NOS1AP: variants seen among roughly 807,000 people sequenced by gnomAD.
NOS1AP encodes the protein carboxyl-terminal PDZ ligand of neuronal nitric oxide synthase protein.
In NOS1AP, 21 loss-of-function variants were observed where a neutral mutation model predicts 56.2. The observed-to-expected ratio is 0.37, with a 90% CI of 0.26 to 0.54. The LOEUF (loss-of-function observed/expected upper bound fraction) is 0.54. Among genes scored for constraint, NOS1AP ranks in the 20% least tolerant of loss-of-function variants. The pLI is 0.84. For missense variants in NOS1AP, 522 were observed against 657.8 expected (o/e 0.79, Z 2.26); for synonymous variants, 270 against 274.6 (o/e 0.98, Z 0.17).
intron 5 of NOS1AP, among the ~76,000 whole-genome samples, chr1:162,333,693 A>G (rs1012778827): frequency 9.2e-5 from 14 of 152,280 alleles, no homozygotes; most frequent in African/African-American, 2.9e-4. Context: ...TCTCACTGGA[A>G]CCCTGAGTGA....
At chr1:162,196,787 G>T (rs1254134139) in intron 2 of NOS1AP, among the ~76,000 whole-genome samples, 1 of 152,170 alleles carries the variant, frequency 6.6e-6, no homozygotes, top group African/African-American at 2.4e-5. Context: ...GATTGATATA[G>T]GGGTTGCTTG....
At chr1:162,365,315 T>G (rs1658042323) in intron 8 of NOS1AP, 89 bp from the exon 9 acceptor site, 1 of 1,601,062 alleles carries the variant, frequency 6.2e-7, no homozygotes, top group African/African-American at 1.3e-5. Context: ...GCATCTCTGG[T>G]CCCGGCCATC....
At chr1:162,265,117 C>G (rs979118359) in intron 2 of NOS1AP, among the ~76,000 whole-genome samples, 5 of 152,084 alleles carry the variant, frequency 3.3e-5, no homozygotes, top group African/African-American at 9.7e-5. Flanking sequence ...ACCCGGTCCT[C>G]TTTGCCTACT....
At chr1:162,277,955 G>T (rs1355013235) in intron 2 of NOS1AP, among the ~76,000 whole-genome samples, 1 of 152,086 alleles carries the variant, frequency 6.6e-6, no homozygotes, top group African/African-American at 2.4e-5. Context: ...CCTTAGTGCT[G>T]TTGCCAAGAT....
chr1:162,178,594 T>TA (rs1651145858), intron 2 of NOS1AP, among the ~76,000 whole-genome samples: 1 of 152,128 alleles, frequency 6.6e-6, no homozygotes, highest in Non-Finnish European at 1.5e-5. Context: ...AGCTGGCACT[T>TA]ACACTCATCC....
At chr1:162,274,571 C>T (rs1029362657) in intron 2 of NOS1AP, among the ~76,000 whole-genome samples, 5 of 152,130 alleles carry the variant, frequency 3.3e-5, no homozygotes, top group South Asian at 2.1e-4. Flanking sequence ...ATTTGCATTT[C>T]CCTAACAGCT....
chr1:162,201,962 C>T (rs1369987459), intron 2 of NOS1AP, among the ~76,000 whole-genome samples: 1 of 152,128 alleles, frequency 6.6e-6, no homozygotes, highest in Non-Finnish European at 1.5e-5. Context: ...TAACACATTG[C>T]AGTGTGTTCA....
intron 4 of NOS1AP, among the ~76,000 whole-genome samples, chr1:162,327,260 C>T (rs1043054699): frequency 2.0e-5 from 3 of 151,948 alleles, no homozygotes; most frequent in Non-Finnish European, 2.9e-5. Context: ...TTTAAAAAAC[C>T]GAAGTTCAAA....
intron 1 of NOS1AP, among the ~76,000 whole-genome samples, chr1:162,100,175 A>G (rs971836160): frequency 1.2e-4 from 19 of 152,160 alleles, no homozygotes; most frequent in Admixed American, 1.1e-3. Context: ...GTCAAATGGT[A>G]TTTCTAGTTC....
chr1:162,266,270 C>T (rs569394178), intron 2 of NOS1AP, among the ~76,000 whole-genome samples: 2 of 152,286 alleles, frequency 1.3e-5, no homozygotes, highest in South Asian at 4.1e-4. Context: ...GTTCTCAGGG[C>T]TGTAAGTCCC....
intron 2 of NOS1AP, among the ~76,000 whole-genome samples, chr1:162,169,715 G>C (rs893017759): frequency 1.3e-5 from 2 of 152,148 alleles, no homozygotes; most frequent in African/African-American, 4.8e-5. Flanking sequence ...GGTCCATCAT[G>C]TCTCTATTCA....
At position 162,100,407 on chromosome 1, in the gene NOS1AP, G is replaced by A. The variant is rs542639357; in HGVS notation, c.105+30125G>A. 1.7e-4 allele frequency among the ~76,000 whole-genome samples: 26 copies of A among 152,252 alleles called. No individual in the cohort carries two copies. In the East Asian group the frequency reaches 1.7e-3, roughly 10 times the overall value. On this transcript the variant is annotated intron_variant, in intron 1 of 9. Coordinates refer to ENST00000361897, the MANE Select transcript of NOS1AP (RefSeq NM_014697.3). ...AGTGATGATGAGCATTTTTTCATGC[G>A]TTTTTTGGCTGCATAAATGTCTTCT...
chr1:162,324,416 CT>C (rs35946766), intron 4 of NOS1AP, among the ~76,000 whole-genome samples: 1,049 of 71,994 alleles, frequency 0.015, no homozygotes, highest in Non-Finnish European at 0.018. Flanking sequence ...GGACACTAGC[CT>C]TTTTTTTTTT....
intron 1 of NOS1AP, among the ~76,000 whole-genome samples, chr1:162,095,646 A>G (rs2102026545): frequency 6.6e-6 from 1 of 152,236 alleles, no homozygotes; most frequent in African/African-American, 2.4e-5. Flanking sequence ...GACTGCCAAC[A>G]CGCCTGTATG....
chr1:162,146,171 A>C (rs1571061659), intron 1 of NOS1AP, among the ~76,000 whole-genome samples: 1 of 151,544 alleles, frequency 6.6e-6, no homozygotes, highest in Non-Finnish European at 1.5e-5. Context: ...TGCCTGCGCT[A>C]GCTAGTCACT....
In NOS1AP at chr1:162,294,213, AAGGAAGGAAGGAAG is replaced by A. The variant is rs1239670373; in HGVS notation, c.271-6418_271-6405del. On this transcript the variant is annotated intron_variant, in intron 3 of 9. Transcript: ENST00000361897. Reference sequence around the variant, plus strand: ...GAAGGAAGTAAGGAAGGAAGGAAGGAAGGAAGGAAGGAAGAAAGAAAGGAAGGAAGGATAGCAAA... The same window carrying A: ...GAAGGAAGTAAGGAAGGAAGGAAGGAAAAGAAAGGAAGGAAGGATAGCAAA... Among the ~76,000 whole-genome samples, 189 of 151,088 alleles carry A rather than the reference AAGGAAGGAAGGAAG, an allele frequency of 1.3e-3. 2 individuals are homozygous for A. Among genetic ancestry groups the A allele is most frequent in the Middle Eastern group, 3.4e-3 (1 of 294 alleles).
chr1:162,357,849 T>C (rs2101822279), intron 8 of NOS1AP, among the ~76,000 whole-genome samples: 1 of 152,006 alleles, frequency 6.6e-6, no homozygotes, highest in Middle Eastern at 3.4e-3. Flanking sequence ...GGATTCTTCT[T>C]GTTTGCTTTC....
At chr1:162,126,095 T>C (rs1322782798) in intron 1 of NOS1AP, among the ~76,000 whole-genome samples, 1 of 152,218 alleles carries the variant, frequency 6.6e-6, no homozygotes, top group African/African-American at 2.4e-5. Flanking sequence ...GTTGTTGGTG[T>C]ATAGCAGTGC....
chr1:162,094,451 C>CA (rs1692195545), intron 1 of NOS1AP, among the ~76,000 whole-genome samples: 1 of 152,088 alleles, frequency 6.6e-6, no homozygotes, highest in Admixed American at 6.6e-5. Context: ...CCCTGGAGCC[C>CA]ACAAAACCCG....
Sources: allele counts gnomAD v4.1 joint callset (sites outside exome capture counted in the v4.1 genomes callset), GRCh38; gene constraint gnomAD v4.1.1; transcripts MANE v1.5; gene names NCBI Gene and HGNC (gene_info 2026-07-23, HGNC 2026-07-21).